Variants in PDE4D observed in about 807,000 individuals in gnomAD.
PDE4D encodes the protein phosphodiesterase 4D.
A neutral mutation model predicts 87.4 loss-of-function variants in PDE4D; 24 were observed. The observed-to-expected ratio is 0.27, with a 90% CI of 0.20 to 0.39. PDE4D has a LOEUF of 0.39. Ranked by LOEUF, PDE4D falls within the 10% of genes least tolerant of loss-of-function variation. PDE4D has a pLI of 1.00. For synonymous variants in PDE4D, 384 were observed against 383.2 expected, an observed-to-expected ratio of 1.00 and a Z score of -0.02; for missense variants, 714 against 1,041.0, an observed-to-expected ratio of 0.69 and a Z score of 4.32.
chr5:59,640,087 T>C (rs1164329268), intron 1 of PDE4D, among the ~76,000 whole-genome samples: 1 of 152,184 alleles, frequency 6.6e-6, no homozygotes, highest in Non-Finnish European at 1.5e-5. Context: ...ATGCTCCCAG[T>C]GAAGAATAAA....
intron 3 of PDE4D, among the ~76,000 whole-genome samples, chr5:59,931,032 C>T (rs1323775282): frequency 7.9e-6 from 1 of 126,960 alleles, no homozygotes; most frequent in African/African-American, 2.5e-5. Flanking sequence ...TGAAAGCTTT[C>T]AAGGAAAACA....
chr5:59,202,208 T>G (rs1747642539), intron 2 of PDE4D, among the ~76,000 whole-genome samples: 1 of 151,688 alleles, frequency 6.6e-6, no homozygotes, highest in Non-Finnish European at 1.5e-5. Context: ...CCCAGCTAAT[T>G]TTTTTGTATT....
intron 1 of PDE4D, among the ~76,000 whole-genome samples, chr5:59,628,698 G>A (rs1831193025): frequency 6.6e-6 from 1 of 152,010 alleles, no homozygotes; most frequent in African/African-American, 2.4e-5. Context: ...GATAGAAAAA[G>A]AATAAGAAAA....
intron 6 of PDE4D, among the ~76,000 whole-genome samples, chr5:59,037,982 C>T (rs1758847377): frequency 1.3e-5 from 2 of 152,188 alleles, no homozygotes; most frequent in South Asian, 4.1e-4. Context: ...ACAACATTAC[C>T]AGTCCTTACT....
At chr5:59,649,929 T>TTTTTTTTTTTTTTTTTTTTTTTG (rs1743160847) in intron 1 of PDE4D, among the ~76,000 whole-genome samples, 1 of 140,068 alleles carries the variant, frequency 7.1e-6, no homozygotes. Flanking sequence ...TTTTTTTTTT[T>TTTTTTTTTTTTTTTTTTTTTTTG]TTTAGCAATG....
intron 2 of PDE4D, among the ~76,000 whole-genome samples, chr5:59,214,635 G>A (rs1423910672): frequency 6.6e-6 from 1 of 152,128 alleles, no homozygotes; most frequent in Non-Finnish European, 1.5e-5. Flanking sequence ...CTCATTATGT[G>A]TGAATGAATA....
intron 1 of PDE4D, among the ~76,000 whole-genome samples, chr5:60,347,944 T>C (rs1758869519): frequency 6.6e-6 from 1 of 152,172 alleles, no homozygotes; most frequent in Non-Finnish European, 1.5e-5. Context: ...TTTTCTGCCG[T>C]TTTTGGAGTA....
intron 2 of PDE4D, among the ~76,000 whole-genome samples, chr5:60,038,739 A>AG (rs2152865811): frequency 2.6e-5 from 4 of 151,556 alleles, no homozygotes; most frequent in Admixed American, 1.3e-4. Context: ...CAAATTTACA[A>AG]AAAAAAAACA....
intron 1 of PDE4D, among the ~76,000 whole-genome samples, chr5:59,691,006 C>A (rs1413949425): frequency 2.0e-5 from 3 of 152,156 alleles, no homozygotes; most frequent in African/African-American, 7.2e-5. Context: ...AAATGCAAAT[C>A]AAAACCACAA....
intron 2 of PDE4D, among the ~76,000 whole-genome samples, chr5:60,060,095 G>C (rs1582440165): frequency 6.6e-6 from 1 of 152,078 alleles, no homozygotes; most frequent in East Asian, 1.9e-4. Context: ...TTGGAGAAGA[G>C]AAGAAAATTC....
chr5:59,002,274 T>C (rs183619848), intron 6 of PDE4D, among the ~76,000 whole-genome samples: 1 of 152,306 alleles, frequency 6.6e-6, no homozygotes, highest in East Asian at 1.9e-4. Context: ...ATCTTTTTAG[T>C]GTGTCAGCTT....
intron 1 of PDE4D, among the ~76,000 whole-genome samples, chr5:59,861,064 T>G (rs1297115238): frequency 1.4e-5 from 2 of 147,814 alleles, no homozygotes; most frequent in African/African-American, 5.0e-5. Context: ...AGAGATGGAG[T>G]TTCGCCATGT....
chr5:59,169,633 C>T (rs894774971), intron 5 of PDE4D, among the ~76,000 whole-genome samples: 1 of 152,148 alleles, frequency 6.6e-6, no homozygotes, highest in Non-Finnish European at 1.5e-5. Context: ...TTATCCTGGG[C>T]TGCACTGTTT....
At chr5:60,176,296 T>C (rs750065965) in intron 2 of PDE4D, among the ~76,000 whole-genome samples, 1 of 152,182 alleles carries the variant, frequency 6.6e-6, no homozygotes, top group Non-Finnish European at 1.5e-5. Context: ...GGTGCCTGTC[T>C]CTTTCCAGAT....
chr5:59,828,802 GA>G (rs1770635479), intron 1 of PDE4D, among the ~76,000 whole-genome samples: 1 of 152,058 alleles, frequency 6.6e-6, no homozygotes, highest in Non-Finnish European at 1.5e-5. Flanking sequence ...AGCCCTAGTA[GA>G]TAAAGCACTG....
chr5:60,293,562 A>G (rs1274619211), intron 1 of PDE4D, among the ~76,000 whole-genome samples: 2 of 152,130 alleles, frequency 1.3e-5, no homozygotes, highest in African/African-American at 2.4e-5. Flanking sequence ...TCCTTATGAT[A>G]CAGAACATTT....
intron 5 of PDE4D, among the ~76,000 whole-genome samples, chr5:59,067,228 G>C (rs1764085500): frequency 6.6e-6 from 1 of 151,746 alleles, no homozygotes; most frequent in African/African-American, 2.4e-5. Flanking sequence ...TGTTGCCCAG[G>C]CTGGTCTGAA....
chr5:59,271,050 T>TTA (rs967473260), intron 1 of PDE4D, among the ~76,000 whole-genome samples: 1 of 152,092 alleles, frequency 6.6e-6, no homozygotes, highest in African/African-American at 2.4e-5. Context: ...TTTTTTTTTT[T>TTA]TTAAATTGAG....
chr5:59,166,683 A>T (rs980312016), intron 5 of PDE4D, among the ~76,000 whole-genome samples: 1 of 152,210 alleles, frequency 6.6e-6, no homozygotes, highest in Non-Finnish European at 1.5e-5. Context: ...TCCCTTGAGA[A>T]TGGTTTCATT....
Sources: allele counts gnomAD v4.1 joint callset (sites outside exome capture counted in the v4.1 genomes callset), GRCh38; gene constraint gnomAD v4.1.1; transcripts MANE v1.5; gene names NCBI Gene and HGNC (gene_info 2026-07-23, HGNC 2026-07-21).